Variants in HOMER2 observed in about 807,000 individuals in gnomAD.
The protein encoded by HOMER2 is homer scaffold protein 2, also known as homer protein homolog 2.
HOMER2 carries 27 observed loss-of-function variants against 47.0 expected under a neutral mutation model. The ratio of observed to expected loss-of-function variants is 0.57; its 90% CI spans 0.42 to 0.79. The LOEUF (loss-of-function observed/expected upper bound fraction) is 0.79. Ranked by LOEUF, HOMER2 falls within the 30% of genes least tolerant of loss-of-function variation. The probability of loss-of-function intolerance (pLI) is 0.00; values close to 1 mark genes in which losing one functional copy is unlikely to be tolerated. For synonymous variants in HOMER2, 161 were observed against 163.8 expected (o/e 0.98, Z 0.13); for missense variants, 443 against 435.0 (o/e 1.02, Z -0.16).
chr15:82,914,728 AAAC>A (rs1019328458), intron 1 of HOMER2, among the ~76,000 whole-genome samples: 1 of 152,208 alleles, frequency 6.6e-6, no homozygotes, highest in Non-Finnish European at 1.5e-5. Flanking sequence ...GTGTTTTACT[AAAC>A]AACAACAAAG....
chr15:82,889,925 G>T (rs2052655334), intron 2 of HOMER2, among the ~76,000 whole-genome samples: 1 of 152,176 alleles, frequency 6.6e-6, no homozygotes, highest in African/African-American at 2.4e-5. Context: ...GCCAACTGTA[G>T]TAATTAAACA....
At position 82,875,416 on chromosome 15, in the gene HOMER2, C is replaced by T. The variant is rs1470098894; in HGVS notation, c.163-12G>A. 18 of 1,613,410 alleles carry T rather than the reference C, an allele frequency of 1.1e-5. No homozygotes were observed. Among genetic ancestry groups the T allele is most frequent in the Admixed American group, 1.7e-5 (1 of 59,922 alleles). On this transcript the variant is annotated splice_polypyrimidine_tract_variant and intron_variant, in intron 2 of 8. Transcript: ENST00000450735. ...CTGTTTATGATCACCTGCAGAAAAACAGCCCAAAGAGTGAAAATTTAAATG... is the reference window on the plus strand; with the variant it reads ...CTGTTTATGATCACCTGCAGAAAAATAGCCCAAAGAGTGAAAATTTAAATG...
exon 2 of HOMER2, chr15:82,843,472 A>AAAAAAAG (rs2051198793): frequency 7.8e-6 from 1 of 128,986 alleles, no homozygotes; most frequent in Non-Finnish European, 1.6e-5. Flanking sequence ...AAAAAAAAAA[A>AAAAAAAG]GAATTGGAAA....
intron 1 of HOMER2, among the ~76,000 whole-genome samples, chr15:82,916,082 T>G (rs532164593): frequency 1.3e-5 from 2 of 152,128 alleles, no homozygotes; most frequent in Admixed American, 6.5e-5. Context: ...CCCTACCAAA[T>G]AGAATTAGCC....
At chr15:82,917,224 G>C (rs2053614829) in intron 1 of HOMER2, among the ~76,000 whole-genome samples, 1 of 152,166 alleles carries the variant, frequency 6.6e-6, no homozygotes, top group African/African-American at 2.4e-5. Context: ...TGCCCTTCTA[G>C]GCAGAATTTA....
rs932839725 is a variant in HOMER2 at position 82,849,260 on chromosome 15, C to G, written c.*455G>C. The G allele has an allele frequency of 6.5e-6, 1 of 153,602 alleles. No individual in the cohort carries two copies. Among genetic ancestry groups the G allele is most frequent in the African/African-American group, 2.4e-5 (1 of 41,474 alleles). The allele number at this position is 153,602 out of a possible 1,614,324, so 9.5% of individuals were successfully genotyped here. ...TTGTTTTAAAGCCTCTCGATGTTGACAGAGAGGAATGTTGTTCTCTCTGTG... is the reference window on the plus strand; with the variant it reads ...TTGTTTTAAAGCCTCTCGATGTTGAGAGAGAGGAATGTTGTTCTCTCTGTG... On this transcript the variant is annotated 3_prime_UTR_variant, in exon 9 of 9. Transcript: ENST00000450735.
chr15:82,940,795 A>G (rs995774135), intron 1 of HOMER2, among the ~76,000 whole-genome samples: 11 of 151,950 alleles, frequency 7.2e-5, no homozygotes, highest in African/African-American at 2.7e-4. Flanking sequence ...CAGGAGGTTG[A>G]GGTGGGAGGA....
At chr15:82,894,689 T>C (rs934101786) in intron 1 of HOMER2, among the ~76,000 whole-genome samples, 2 of 135,124 alleles carry the variant, frequency 1.5e-5, no homozygotes, top group African/African-American at 5.8e-5. Flanking sequence ...AAAAAAAAAA[T>C]AGTCCCATTG....
At chr15:82,974,253 A>G (rs2030119576) in intron 1 of HOMER2, among the ~76,000 whole-genome samples, 1 of 150,888 alleles carries the variant, frequency 6.6e-6, no homozygotes, top group South Asian at 2.1e-4. Flanking sequence ...AAAAATACAA[A>G]ATTAGCCAGC....
chr15:82,951,675 C>A (rs1238274852), intron 1 of HOMER2, among the ~76,000 whole-genome samples: 1 of 152,230 alleles, frequency 6.6e-6, no homozygotes, highest in Non-Finnish European at 1.5e-5. Context: ...GTGGCAAGGC[C>A]ACCCCTGCTA....
At chr15:82,975,825 C>T (rs540638622) in intron 1 of HOMER2, among the ~76,000 whole-genome samples, 1 of 152,180 alleles carries the variant, frequency 6.6e-6, no homozygotes, top group African/African-American at 2.4e-5. Context: ...TAAATAATAA[C>T]TTAATCATAC....
At chr15:82,836,100 C>G (rs1429882906), downstream of HOMER2, 1 of 152,228 alleles carries the variant, frequency 6.6e-6, no homozygotes, top group Non-Finnish European at 1.5e-5. Context: ...ATAAAAATTC[C>G]TGGCCCAATT....
At chr15:82,905,292 C>A (rs369955238) in intron 1 of HOMER2, among the ~76,000 whole-genome samples, 42 of 130,008 alleles carry the variant, frequency 3.2e-4, no homozygotes, top group Middle Eastern at 4.2e-3. Context: ...AAAAAAAAAA[C>A]CACCAAAAAA....
At chr15:82,846,823 C>T (rs185349248), downstream of HOMER2, 129 of 152,380 alleles carry the variant, frequency 8.5e-4, no homozygotes, top group Admixed American at 8.4e-3. Context: ...GGTGGTTTTA[C>T]ATTCCCCGGG....
chr15:82,897,068 T>TTTTTTC (rs2052952156), intron 1 of HOMER2, among the ~76,000 whole-genome samples: 3 of 128,332 alleles, frequency 2.3e-5, no homozygotes, highest in East Asian at 2.1e-4. Flanking sequence ...GTCATTTCTT[T>TTTTTTC]TTTTTTTTTT....
At chr15:82,910,585 G>C (rs2053423888) in intron 1 of HOMER2, among the ~76,000 whole-genome samples, 2 of 152,180 alleles carry the variant, frequency 1.3e-5, no homozygotes, top group Admixed American at 6.5e-5. Flanking sequence ...AGAAATCCTA[G>C]TGACTTATAA....
At chr15:82,972,415 G>A (rs1431127604) in intron 1 of HOMER2, among the ~76,000 whole-genome samples, 1 of 152,124 alleles carries the variant, frequency 6.6e-6, no homozygotes, top group Non-Finnish European at 1.5e-5. Flanking sequence ...TGGCCACGTC[G>A]GCCATGGAAA....
At chr15:82,875,214 C>G in intron 3 of HOMER2, 59 bp downstream of exon 3, 1 of 1,586,148 alleles carries the variant, frequency 6.3e-7, no homozygotes, top group Admixed American at 1.7e-5. Flanking sequence ...GGCGGGCAAT[C>G]ACTGATGAGA....
intron 3 of HOMER2, among the ~76,000 whole-genome samples, chr15:82,874,334 AT>A (rs1411142651): frequency 3.9e-5 from 6 of 152,168 alleles, no homozygotes; most frequent in Non-Finnish European, 8.8e-5. Context: ...CTTCCAATAA[AT>A]TTCTTTGACT....
Sources: gnomAD v4.1 joint callset for allele counts (sites outside exome capture counted in the v4.1 genomes callset) on GRCh38, gnomAD v4.1.1 for gene constraint, MANE v1.5 for transcripts, NCBI Gene and HGNC (gene_info 2026-07-23, HGNC 2026-07-21) for gene names.